The following DPP6 variants were observed in gnomAD, a reference collection of about 807,000 sequenced individuals.
DPP6 encodes the protein dipeptidyl peptidase like 6.
DPP6 carries 69 observed loss-of-function variants against 122.6 expected under a neutral mutation model. The ratio of observed to expected loss-of-function variants is 0.56; its 90% CI spans 0.46 to 0.69. The LOEUF (loss-of-function observed/expected upper bound fraction) is 0.69, where lower values mean the gene tolerates loss of function less well. Ranked by LOEUF, DPP6 falls within the 30% of genes least tolerant of loss-of-function variation. The probability of loss-of-function intolerance (pLI) is 0.00; values close to 1 mark genes in which losing one functional copy is unlikely to be tolerated. For missense variants in DPP6, 928 were observed against 1,116.9 expected, an observed-to-expected ratio of 0.83 and a Z score of 2.41; for synonymous variants, 418 against 433.1, an observed-to-expected ratio of 0.97 and a Z score of 0.43.
chr7:154,580,176 T>TGC (rs765963583), intron 5 of DPP6, among the ~76,000 whole-genome samples: 5 of 91,094 alleles, frequency 5.5e-5, no homozygotes, highest in Non-Finnish European at 1.3e-4. Flanking sequence ...CACACACACA[T>TGC]GCACACATAC....
intron 1 of DPP6, among the ~76,000 whole-genome samples, chr7:154,096,845 A>C (rs1056744341): frequency 1.3e-5 from 2 of 152,262 alleles, no homozygotes; most frequent in Non-Finnish European, 1.5e-5. Context: ...CACTATTAAC[A>C]TCAATTATAT....
At chr7:153,880,506 T>C in the DPP6 span, among the ~76,000 whole-genome samples, 1 of 152,218 alleles carries the variant, frequency 6.6e-6, no homozygotes, top group African/African-American at 2.4e-5. Flanking sequence ...AAATACTGCT[T>C]GAGTCAGGAG....
At chr7:154,501,994 C>T (rs950060509) in intron 3 of DPP6, among the ~76,000 whole-genome samples, 4 of 152,212 alleles carry the variant, frequency 2.6e-5, no homozygotes, top group Admixed American at 1.3e-4. Flanking sequence ...TCAACATGAC[C>T]GAAATGTGAG....
chr7:154,503,907 A>G (rs2129661264), intron 3 of DPP6, among the ~76,000 whole-genome samples: 1 of 152,308 alleles, frequency 6.6e-6, no homozygotes, highest in South Asian at 2.1e-4. Context: ...GCACATGTTT[A>G]CCCATGTAAC....
intron 10 of DPP6, among the ~76,000 whole-genome samples, chr7:154,790,679 A>G (rs551531529): frequency 1.0e-3 from 152 of 152,190 alleles, no homozygotes; most frequent in African/African-American, 3.5e-3. Flanking sequence ...GGTGAGCCAC[A>G]TTCTGCCCCT....
intron 1 of DPP6, among the ~76,000 whole-genome samples, chr7:154,090,270 A>G (rs1804708687): frequency 6.6e-6 from 1 of 152,088 alleles, no homozygotes; most frequent in Non-Finnish European, 1.5e-5. Context: ...GGCTGTGGTA[A>G]TGCTATCCCC....
At chr7:154,791,468 G>A (rs533310469) in intron 10 of DPP6, among the ~76,000 whole-genome samples, 46 of 152,196 alleles carry the variant, frequency 3.0e-4, no homozygotes, top group Middle Eastern at 3.4e-3. Flanking sequence ...ATCAGATCTC[G>A]TGAGAACTTA....
chr7:153,982,856 C>G (rs1796660100), intron 1 of DPP6, among the ~76,000 whole-genome samples: 1 of 152,230 alleles, frequency 6.6e-6, no homozygotes, highest in Non-Finnish European at 1.5e-5. Flanking sequence ...CCCTGTTTGC[C>G]TGGGTATCAC....
At chr7:154,416,192 C>G (rs933005542) in intron 1 of DPP6, among the ~76,000 whole-genome samples, 6 of 152,156 alleles carry the variant, frequency 3.9e-5, no homozygotes, top group Non-Finnish European at 7.3e-5. Context: ...TGTCCAGCAT[C>G]TCAGGCTGTG....
the DPP6 span, among the ~76,000 whole-genome samples, chr7:153,788,629 A>G: frequency 1.3e-5 from 2 of 152,148 alleles, no homozygotes; most frequent in Non-Finnish European, 2.9e-5. Flanking sequence ...AGGGCAGTAG[A>G]TTGTGGTAAC....
intron 3 of DPP6, among the ~76,000 whole-genome samples, chr7:154,528,081 G>A (rs1251939280): frequency 3.3e-5 from 5 of 151,848 alleles, no homozygotes; most frequent in Admixed American, 1.3e-4. Flanking sequence ...TTGAAGAATC[G>A]CATAGGTACA....
At chr7:154,278,885 ATG>A (rs1188155626) in intron 1 of DPP6, among the ~76,000 whole-genome samples, 2 of 145,520 alleles carry the variant, frequency 1.4e-5, no homozygotes, top group South Asian at 2.1e-4. Flanking sequence ...ATGTGTGAGT[ATG>A]TGTGTATATG....
At chr7:154,769,383 A>G in intron 8 of DPP6, 34 bp from the exon 9 acceptor site, 1 of 1,611,502 alleles carries the variant, frequency 6.2e-7, no homozygotes, top group Non-Finnish European at 8.5e-7. Flanking sequence ...CTCACTTGTT[A>G]CTATTCACAT....
At chr7:154,317,318 A>G (rs1220078909) in intron 1 of DPP6, among the ~76,000 whole-genome samples, 1 of 152,098 alleles carries the variant, frequency 6.6e-6, no homozygotes, top group African/African-American at 2.4e-5. Context: ...AACATGGTGA[A>G]TCCAGCCTGG....
At chr7:154,548,014 G>A (rs1829333524) in intron 4 of DPP6, among the ~76,000 whole-genome samples, 2 of 151,218 alleles carry the variant, frequency 1.3e-5, no homozygotes, top group South Asian at 2.1e-4. Flanking sequence ...TTCAAGACCA[G>A]CCTGGCCAAC....
chr7:153,944,164 TC>T (rs1458435171), intron 1 of DPP6, among the ~76,000 whole-genome samples: 2 of 152,204 alleles, frequency 1.3e-5, no homozygotes, highest in African/African-American at 4.8e-5. Context: ...GCACGCTCCT[TC>T]CAGCACAGCC....
chr7:154,738,994 G>A (rs942336131), intron 8 of DPP6, among the ~76,000 whole-genome samples: 29 of 152,122 alleles, frequency 1.9e-4, no homozygotes, highest in Non-Finnish European at 3.7e-4. Context: ...GAGGAGGTGA[G>A]GCTCTTTCCC....
At chr7:153,875,478 A>G in the DPP6 span, among the ~76,000 whole-genome samples, 6 of 152,056 alleles carry the variant, frequency 3.9e-5, no homozygotes, top group African/African-American at 1.2e-4. Flanking sequence ...AACAATGATT[A>G]GAAAAAAATA....
intron 7 of DPP6, among the ~76,000 whole-genome samples, chr7:154,671,432 T>C (rs1838545748): frequency 6.6e-6 from 1 of 152,222 alleles, no homozygotes. Context: ...TGTGACCACA[T>C]GTCAAGGTCT....
Sources: gnomAD v4.1 joint callset for allele counts (sites outside exome capture counted in the v4.1 genomes callset) on GRCh38, gnomAD v4.1.1 for gene constraint, MANE v1.5 for transcripts, NCBI Gene and HGNC (gene_info 2026-07-23, HGNC 2026-07-21) for gene names.